Variants in PCNT observed in about 807,000 individuals in gnomAD.
PCNT encodes pericentrin, also known as kendrin.
A neutral mutation model predicts 380.4 loss-of-function variants in PCNT; 319 were observed. The observed-to-expected ratio is 0.84, with a 90% CI of 0.77 to 0.92. The LOEUF (loss-of-function observed/expected upper bound fraction) is 0.92. PCNT is among the 40% of genes least tolerant of loss of function. The probability of loss-of-function intolerance (pLI) is 0.00; values close to 1 mark genes in which losing one functional copy is unlikely to be tolerated. For missense variants in PCNT, 4,400 were observed against 4,255.3 expected (o/e 1.03, Z -0.95); for synonymous variants, 1,845 against 1,735.2 (o/e 1.06, Z -1.57).
chr21:46,421,234 G>A (rs1405437597), intron 31 of PCNT, among the ~76,000 whole-genome samples: 1 of 152,258 alleles, frequency 6.6e-6, no homozygotes, highest in South Asian at 2.1e-4. Flanking sequence ...AGGTGCCCAA[G>A]TGCTGCAGCC....
In PCNT at chr21:46,440,946, G is replaced by A; in HGVS notation, c.9485G>A (p.Gly3162Glu). ...AAGTATCTTTTGCTGTTGATTGGTGGATTCCAGGATTCTGAACAAGAAACA... is the reference window on the plus strand; with the variant it reads ...AAGTATCTTTTGCTGTTGATTGGTGAATTCCAGGATTCTGAACAAGAAACA... ...QKKYLLLLIG[G>E]FQDSEQETLS... Residue 3162 changes from glycine (G) to glutamate (E), a missense_variant, in exon 43 of 47, where the codon GGA becomes GAA. Physicochemically the swap from Gly to Glu is moderately conservative, Grantham distance 98. Transcript: ENST00000359568. 6.2e-7 allele frequency: 1 copy of A among 1,613,316 alleles called. No individual in the cohort carries two copies. Among genetic ancestry groups the A allele is most frequent in the Non-Finnish European group, 8.5e-7 (1 of 1,179,204 alleles).
chr21:46,366,599 T>C lies in PCNT; in HGVS notation c.2625T>C (p.Arg875=). ...GTTGCCGCAGGTTTTTAGAGGAACGTAAAGAGATCACCGAGAAATTCAGTG... is the reference window on the plus strand; with the variant it reads ...GTTGCCGCAGGTTTTTAGAGGAACGCAAAGAGATCACCGAGAAATTCAGTG... The part of the protein sequence containing the change: ...MLARSRFLEE[R]KEITEKFSAE... Residue 875 remains arginine (R), a synonymous_variant, in exon 15 of 47, where the codon CGT becomes CGC. Transcript: ENST00000359568. 4 of 1,614,026 alleles carry C rather than the reference T, an allele frequency of 2.5e-6. No individual in the cohort carries two copies.
At chr21:46,412,096 G>T in intron 28 of PCNT, 29 bp downstream of exon 28, 2 of 1,596,028 alleles carry the variant, frequency 1.3e-6, no homozygotes, top group Non-Finnish European at 8.5e-7. Flanking sequence ...CCATGGCAGG[G>T]TATTTTTTTT....
At chr21:46,427,496 A>G (rs2087557839) in intron 33 of PCNT, 126 bp from the exon 34 acceptor site, 3 of 979,608 alleles carry the variant, frequency 3.1e-6, no homozygotes, top group Non-Finnish European at 4.8e-6. Context: ...TCTTCTTAAG[A>G]GGCCTCATTT....
intron 14 of PCNT, among the ~76,000 whole-genome samples, chr21:46,364,475 G>C (rs1195848088): frequency 6.6e-6 from 1 of 152,254 alleles, no homozygotes; most frequent in Non-Finnish European, 1.5e-5. Flanking sequence ...GTTGTTCTTC[G>C]TGTGTTTTAA....
chr21:46,364,444 C>T (rs968559586), intron 14 of PCNT, among the ~76,000 whole-genome samples: 2 of 151,864 alleles, frequency 1.3e-5, no homozygotes, highest in Admixed American at 6.6e-5. Flanking sequence ...GTGTCAGGGG[C>T]GGGGATCAGT....
At chr21:46,364,717 C>T (rs368620217) in intron 14 of PCNT, among the ~76,000 whole-genome samples, 44 of 152,272 alleles carry the variant, frequency 2.9e-4, no homozygotes, top group South Asian at 1.0e-3. Context: ...AGGGCTGTGC[C>T]GTTCTTTCTC....
chr21:46,353,979 C>T lies in PCNT; in HGVS notation c.1680-8C>T, dbSNP rs563960825. 4 of 1,611,380 alleles carry T rather than the reference C, an allele frequency of 2.5e-6. No homozygotes were observed. The East Asian group carries it at 6.7e-5, about 27-fold the overall frequency. On this transcript the variant is annotated splice_region_variant and splice_polypyrimidine_tract_variant and intron_variant, in intron 10 of 46. Coordinates refer to ENST00000359568, the MANE Select transcript of PCNT (RefSeq NM_006031.6). ...GTGTAAAGCTTTTATAAAATGTTTT[C>T]CCTTCAGGTTGTCCTGTGTGGGTTT... is the stretch of plus-strand genomic sequence containing the variant.
At chr21:46,406,360 G>A (rs1369602506) in intron 27 of PCNT, among the ~76,000 whole-genome samples, 1 of 152,116 alleles carries the variant, frequency 6.6e-6, no homozygotes, top group African/African-American at 2.4e-5. Context: ...CACGTCTTTT[G>A]TTAAATTTAT....
chr21:46,385,754 T>C (rs2085806746), intron 16 of PCNT, 78 bp from the exon 17 acceptor site: 2 of 1,466,338 alleles, frequency 1.4e-6, no homozygotes, highest in Non-Finnish European at 1.9e-6. Flanking sequence ...AATACTGAAA[T>C]TGTGTTGAAA....
In PCNT at chr21:46,427,714, G is replaced by A. The variant is rs191561981; in HGVS notation, c.7413G>A (p.Glu2471=). 216 of 1,613,838 alleles carry A rather than the reference G, an allele frequency of 1.3e-4. 1 individual carries two copies. In the East Asian group the frequency reaches 3.9e-3, roughly 29 times the overall value. Residue 2471 remains glutamate, a synonymous_variant, in exon 34 of 47, where the codon GAG becomes GAA. Transcript: ENST00000359568. ...FEKEQEMQGV[E]LQPRLSGSDL... is the part of the protein sequence containing the mutation. ...AAGAGCAGGAGATGCAGGGGGTTGA[G>A]CTGCAGCCCCGACTCAGTGGCTCAG...
intron 6 of PCNT, chr21:46,348,430 TG>T: frequency 5.8e-6 from 1 of 172,826 alleles, no homozygotes; most frequent in Non-Finnish European, 1.2e-5. Context: ...GTGCAGAGGC[TG>T]GTCTGTTTCA....
At chr21:46,374,212 C>A (rs981674260) in intron 15 of PCNT, among the ~76,000 whole-genome samples, 8 of 152,096 alleles carry the variant, frequency 5.3e-5, no homozygotes, top group Non-Finnish European at 8.8e-5. Context: ...GGTGCACGTT[C>A]AATACATCAG....
At chr21:46,329,641 T>C (rs1454831326) in intron 2 of PCNT, among the ~76,000 whole-genome samples, 2 of 152,186 alleles carry the variant, frequency 1.3e-5, no homozygotes, top group Non-Finnish European at 2.9e-5. Context: ...GTGACCACAG[T>C]GGACAGGACA....
chr21:46,359,351 T>C (rs2084602210), intron 13 of PCNT, among the ~76,000 whole-genome samples: 1 of 145,958 alleles, frequency 6.9e-6, no homozygotes, highest in African/African-American at 2.5e-5. Context: ...ATTTCTCTCT[T>C]GTTAATTTTA....
intron 33 of PCNT, among the ~76,000 whole-genome samples, chr21:46,426,888 G>A (rs749016146): frequency 3.3e-5 from 5 of 152,234 alleles, no homozygotes; most frequent in Non-Finnish European, 7.3e-5. Context: ...AGGGAGGGAA[G>A]GGCTTTCTCC....
chr21:46,343,604 G>A (rs529380592), intron 3 of PCNT, among the ~76,000 whole-genome samples: 21 of 152,190 alleles, frequency 1.4e-4, no homozygotes, highest in Admixed American at 3.3e-4. Flanking sequence ...TCCTTTCCTG[G>A]TTTTGGTATT....
In PCNT at chr21:46,412,057, C is replaced by T. The variant is rs762644532; in HGVS notation, c.5984C>T (p.Pro1995Leu). Residue 1995 changes from proline (P) to leucine (L), a missense_variant, in exon 28 of 47, where the codon CCT (proline) becomes CTT (leucine). Coordinates refer to ENST00000359568, the MANE Select transcript of PCNT (RefSeq NM_006031.6). ...GATGCTGCTTTGGAGCCGGTTGTCC[C>T]TGACCCACAGGTGGGCTCCCCCCGC... ...SHDAALEPVV[P>L]DPQGDLQPVL... 1.9e-6 allele frequency: 3 copies of T among 1,606,912 alleles called. No individual in the cohort carries two copies. The East Asian group carries it at 6.7e-5, about 36-fold the overall frequency.
intron 42 of PCNT, among the ~76,000 whole-genome samples, 155 bp downstream of exon 42, chr21:46,440,357 G>A (rs1308842108): frequency 6.6e-6 from 1 of 152,224 alleles, no homozygotes; most frequent in Non-Finnish European, 1.5e-5. Flanking sequence ...ATAAACTTCG[G>A]CTTGAATTTT....
Sources: gnomAD v4.1 joint callset for allele counts (sites outside exome capture counted in the v4.1 genomes callset) on GRCh38, gnomAD v4.1.1 for gene constraint, MANE v1.5 for transcripts, NCBI Gene and HGNC (gene_info 2026-07-23, HGNC 2026-07-21) for gene names.